Variants in FSTL4 observed in about 807,000 individuals in gnomAD.
FSTL4 encodes the protein follistatin-related protein 4.
In FSTL4, 28 loss-of-function variants were observed where a neutral mutation model predicts 78.2. That is an observed-to-expected ratio of 0.36 (90% CI 0.27 to 0.49). The LOEUF (loss-of-function observed/expected upper bound fraction) is 0.49, where lower values mean the gene tolerates loss of function less well. Ranked by LOEUF, FSTL4 falls within the 20% of genes least tolerant of loss-of-function variation. The probability of loss-of-function intolerance (pLI) is 0.98; values close to 1 mark genes in which losing one functional copy is unlikely to be tolerated. For synonymous variants in FSTL4, 422 were observed against 440.5 expected (o/e 0.96, Z 0.53); for missense variants, 922 against 1,084.9 (o/e 0.85, Z 2.11).
At chr5:133,633,898 G>A in the FSTL4 span, among the ~76,000 whole-genome samples, 26 of 152,008 alleles carry the variant, frequency 1.7e-4, no homozygotes, top group Admixed American at 1.2e-3. Flanking sequence ...GCAAGGGTAG[G>A]AATTCAATCT....
At chr5:133,541,491 A>G (rs115325925) in intron 3 of FSTL4, among the ~76,000 whole-genome samples, 4,842 of 152,190 alleles carry the variant, frequency 0.032, 242 homozygotes, top group African/African-American at 0.11. Flanking sequence ...CACTTCCACA[A>G]AAGTCCCCAG....
At chr5:133,666,190 A>G in the FSTL4 span, among the ~76,000 whole-genome samples, 23 of 152,338 alleles carry the variant, frequency 1.5e-4, no homozygotes, top group African/African-American at 5.1e-4. Flanking sequence ...TTATACTACT[A>G]TGGAACTCAT....
intron 3 of FSTL4, among the ~76,000 whole-genome samples, chr5:133,529,217 G>T (rs1759200052): frequency 6.6e-6 from 1 of 152,170 alleles, no homozygotes; most frequent in Non-Finnish European, 1.5e-5. Context: ...TTGGAACCTA[G>T]CATTCCCTGT....
intron 3 of FSTL4, among the ~76,000 whole-genome samples, chr5:133,456,014 CA>C (rs1362797003): frequency 6.6e-6 from 1 of 152,220 alleles, no homozygotes; most frequent in African/African-American, 2.4e-5. Flanking sequence ...TTGTCATCAG[CA>C]AGTTCTACTT....
At chr5:133,227,645 C>T (rs1751374085) in intron 8 of FSTL4, among the ~76,000 whole-genome samples, 1 of 152,106 alleles carries the variant, frequency 6.6e-6, no homozygotes, top group South Asian at 2.1e-4. Flanking sequence ...TACTAGATCA[C>T]TGTCTATTTC....
At chr5:133,841,805 T>G in the FSTL4 span, among the ~76,000 whole-genome samples, 1 of 152,240 alleles carries the variant, frequency 6.6e-6, no homozygotes, top group East Asian at 1.9e-4. Flanking sequence ...ATCACTTGTC[T>G]TCTCCTCGCA....
intron 6 of FSTL4, among the ~76,000 whole-genome samples, chr5:133,301,331 A>G (rs1337308056): frequency 1.3e-5 from 2 of 152,164 alleles, no homozygotes; most frequent in South Asian, 2.1e-4. Context: ...TTATTTTTGG[A>G]ACTCGGAGGT....
Position 133,299,070 on chromosome 5 carries a change from A to T in FSTL4, c.727+13584T>A, listed in dbSNP as rs191087354. ...AGGTTGGGTGCAGTCAGTCTAGTCT[A>T]ACACAGACTTTTTAAAGTCACACTG... On this transcript the variant is annotated intron_variant, in intron 6 of 15. Coordinates refer to ENST00000265342, the MANE Select transcript of FSTL4 (RefSeq NM_015082.2). Among the ~76,000 whole-genome samples, 103 of 152,324 alleles carry T rather than the reference A, an allele frequency of 6.8e-4. No homozygotes were observed. The South Asian group carries it at 0.015, about 22-fold the overall frequency.
At chr5:133,477,607 C>T (rs1254588957) in intron 3 of FSTL4, among the ~76,000 whole-genome samples, 3 of 152,158 alleles carry the variant, frequency 2.0e-5, no homozygotes, top group African/African-American at 4.8e-5. Flanking sequence ...CCCAAAACCC[C>T]GCTCTTAATG....
chr5:133,765,438 G>A, the FSTL4 span, among the ~76,000 whole-genome samples: 1 of 152,198 alleles, frequency 6.6e-6, no homozygotes, highest in Admixed American at 6.5e-5. Context: ...CAGGAAAAGG[G>A]GCAGACATTC....
At chr5:133,814,433 A>T in the FSTL4 span, among the ~76,000 whole-genome samples, 1 of 152,192 alleles carries the variant, frequency 6.6e-6, no homozygotes, top group African/African-American at 2.4e-5. Flanking sequence ...ATTCCACACC[A>T]GTGCCCCTGA....
intron 4 of FSTL4, among the ~76,000 whole-genome samples, chr5:133,317,351 G>A (rs1363479327): frequency 6.6e-6 from 1 of 152,142 alleles, no homozygotes; most frequent in African/African-American, 2.4e-5. Flanking sequence ...TGCTGGTGAC[G>A]GGCTTCTAGG....
chr5:133,573,282 T>A, intron 2 of FSTL4, among the ~76,000 whole-genome samples: 1 of 150,838 alleles, frequency 6.6e-6, no homozygotes, highest in African/African-American at 2.4e-5. Flanking sequence ...AAAAAATAAA[T>A]AAAAAATAAA....
intron 3 of FSTL4, among the ~76,000 whole-genome samples, chr5:133,445,381 G>A (rs530428281): frequency 6.6e-6 from 1 of 151,312 alleles, no homozygotes; most frequent in African/African-American, 2.4e-5. Context: ...AGCACAGGCC[G>A]GGGAGTGCTC....
intron 13 of FSTL4, among the ~76,000 whole-genome samples, chr5:133,213,428 ATAAAT>A (rs1750807651): frequency 6.6e-6 from 1 of 152,256 alleles, no homozygotes; most frequent in South Asian, 2.1e-4. Flanking sequence ...GTGGGTGAAT[ATAAAT>A]TAATGTCCTG....
the FSTL4 span, among the ~76,000 whole-genome samples, chr5:133,702,560 G>C: frequency 1.3e-5 from 2 of 152,152 alleles, no homozygotes; most frequent in South Asian, 4.2e-4. Context: ...AGGAATACAG[G>C]GCCCATCCTC....
intron 3 of FSTL4, among the ~76,000 whole-genome samples, chr5:133,415,967 C>A (rs1024379534): frequency 2.0e-4 from 30 of 152,058 alleles, no homozygotes; most frequent in Non-Finnish European, 2.5e-4. Context: ...AGGTCCTTAC[C>A]CCGCTTTCAG....
At chr5:133,403,522 A>G (rs903659249) in intron 3 of FSTL4, among the ~76,000 whole-genome samples, 2 of 152,138 alleles carry the variant, frequency 1.3e-5, no homozygotes, top group Non-Finnish European at 2.9e-5. Flanking sequence ...AAATGCAGAA[A>G]TTTTCAGAAC....
At chr5:133,667,894 A>C in the FSTL4 span, among the ~76,000 whole-genome samples, 6 of 152,364 alleles carry the variant, frequency 3.9e-5, 1 homozygote, top group South Asian at 1.2e-3. Flanking sequence ...TGCCTGGCAC[A>C]CAGTAGACAA....
Sources: gnomAD v4.1 joint callset for allele counts (sites outside exome capture counted in the v4.1 genomes callset) on GRCh38, gnomAD v4.1.1 for gene constraint, MANE v1.5 for transcripts, NCBI Gene and HGNC (gene_info 2026-07-23, HGNC 2026-07-21) for gene names.